Variants in SEC24A observed in about 807,000 individuals in gnomAD.
SEC24A encodes protein transport protein Sec24A.
Under a neutral mutation model 129.4 loss-of-function variants are expected in SEC24A, and 93 were observed. The observed-to-expected ratio is 0.72, with a 90% confidence interval of 0.61 to 0.85. The LOEUF is 0.85. Ranked by LOEUF, SEC24A falls within the 40% of genes least tolerant of loss-of-function variation. The pLI, the probability that SEC24A is intolerant of heterozygous loss-of-function variation, is 0.00. For missense variants in SEC24A, 1,264 were observed against 1,307.4 expected (o/e 0.97, Z 0.51); for synonymous variants, 460 against 467.3 (o/e 0.98, Z 0.20).
At position 134,661,339 on chromosome 5, in the gene SEC24A, C is replaced by A; in HGVS notation, c.318C>A (p.Pro106=). 6.2e-7 allele frequency: 1 copy of A among 1,614,176 alleles called. No homozygotes were observed. The highest frequency in any genetic ancestry group is 8.5e-7 in the Non-Finnish European group (1 of 1,180,038). Residue 106 remains proline (P), a synonymous_variant, in exon 2 of 23, where the codon CCC becomes CCA. Transcript: ENST00000398844. ...CTTCGCTTCATAGTGGTCCTGCTCC[C>A]CGAATGCCATTACCTGCTTCTCAGA... The part of the protein sequence containing the change: ...VTPSLHSGPA[P]RMPLPASQNP...
chr5:134,703,240 G>C (rs1752055303), intron 15 of SEC24A, among the ~76,000 whole-genome samples: 1 of 152,018 alleles, frequency 6.6e-6, no homozygotes, highest in Non-Finnish European at 1.5e-5. Context: ...AATTTTGATA[G>C]ATACTGCCAA....
chr5:134,650,537 CTT>C (rs891812570), intron 1 of SEC24A, among the ~76,000 whole-genome samples: 13 of 141,126 alleles, frequency 9.2e-5, no homozygotes, highest in Non-Finnish European at 1.1e-4. Context: ...TGTTCCACAT[CTT>C]TTTTTTTTTT....
At chr5:134,693,436 T>C (rs1438601840) in intron 12 of SEC24A, 2 of 1,364,426 alleles carry the variant, frequency 1.5e-6, no homozygotes, top group African/African-American at 2.9e-5. Context: ...TTAAAATACA[T>C]CAAATCTCTA....
intron 18 of SEC24A, among the ~76,000 whole-genome samples, chr5:134,709,978 C>T (rs1752272781): frequency 6.6e-6 from 1 of 152,132 alleles, no homozygotes; most frequent in Non-Finnish European, 1.5e-5. Context: ...TGGCTCACTG[C>T]AACCTCCGCC....
intron 13 of SEC24A, 21 bp downstream of exon 13, chr5:134,693,954 C>T (rs1427489340): frequency 6.3e-7 from 1 of 1,598,030 alleles, no homozygotes; most frequent in Admixed American, 1.7e-5. Flanking sequence ...CATGAAATGT[C>T]TGATAAGGTT....
chr5:134,675,291 A>T, intron 6 of SEC24A, 74 bp downstream of exon 6: 1 of 1,075,446 alleles, frequency 9.3e-7, no homozygotes, highest in Non-Finnish European at 1.4e-6. Context: ...ATCAGGTGTT[A>T]TGAATAAGCT....
chr5:134,713,743 A>G (rs887052424), intron 18 of SEC24A, among the ~76,000 whole-genome samples: 5 of 152,086 alleles, frequency 3.3e-5, no homozygotes, highest in Admixed American at 6.6e-5. Context: ...AACCTTACCC[A>G]TAACTGGCTG....
intron 2 of SEC24A, 90 bp downstream of exon 2, chr5:134,661,676 A>G: frequency 2.0e-6 from 2 of 996,576 alleles, no homozygotes; most frequent in Non-Finnish European, 2.9e-6. Context: ...CCTGAAAACC[A>G]TATGGAAAAT....
intron 14 of SEC24A, 55 bp from the exon 15 acceptor site, chr5:134,697,844 G>A: frequency 6.7e-7 from 1 of 1,500,872 alleles, no homozygotes; most frequent in Non-Finnish European, 9.0e-7. Context: ...TAGTTACTTT[G>A]GTGTAGTAGA....
chr5:134,673,270 A>G (rs934815599), intron 4 of SEC24A, among the ~76,000 whole-genome samples: 1 of 151,282 alleles, frequency 6.6e-6, no homozygotes, highest in Admixed American at 6.6e-5. Flanking sequence ...TGGCCAGGAT[A>G]GTCTCGATCT....
chr5:134,714,626 A>C (rs890343586), intron 18 of SEC24A, among the ~76,000 whole-genome samples: 2 of 152,218 alleles, frequency 1.3e-5, no homozygotes, highest in African/African-American at 4.8e-5. Flanking sequence ...CCACTGACGT[A>C]ATGGATATCT....
At position 134,708,697 on chromosome 5, in the gene SEC24A, C is replaced by T. The variant is rs1265031674; in HGVS notation, c.2552-16C>T. On this transcript the variant is annotated splice_polypyrimidine_tract_variant and intron_variant, in intron 17 of 22. Coordinates refer to ENST00000398844, the MANE Select transcript of SEC24A (RefSeq NM_021982.3). ...CTATCATATTTCTTTTTTGTCCTTA[C>T]CCTCACCTTGCTTAGCTGTTGACAG... 3 of 1,602,144 alleles carry T rather than the reference C, an allele frequency of 1.9e-6. No homozygotes were observed. The highest frequency in any genetic ancestry group is 1.8e-5 in the Admixed American group (1 of 56,822).
chr5:134,708,629 A>T, intron 17 of SEC24A, 84 bp from the exon 18 acceptor site: 1 of 1,250,644 alleles, frequency 8.0e-7, no homozygotes, highest in South Asian at 1.5e-5. Context: ...TATAGTTTTT[A>T]AAAATTATCT....
At chr5:134,700,243 C>T (rs1473903922) in intron 15 of SEC24A, among the ~76,000 whole-genome samples, 1 of 151,554 alleles carries the variant, frequency 6.6e-6, no homozygotes, top group Non-Finnish European at 1.5e-5. Context: ...TTTTTGGAGA[C>T]AGAGTGTTGC....
At chr5:134,652,970 ATTTT>A (rs776491776) in intron 1 of SEC24A, among the ~76,000 whole-genome samples, 12 of 119,284 alleles carry the variant, frequency 1.0e-4, no homozygotes, top group Non-Finnish European at 1.8e-5. Flanking sequence ...AATTTTTTGT[ATTTT>A]TTTTTTTTTT....
At chr5:134,715,517 A>G in intron 19 of SEC24A, 1 of 199,868 alleles carries the variant, frequency 5.0e-6, no homozygotes. Context: ...CTAAAATTGG[A>G]ATGATACAGA....
intron 1 of SEC24A, among the ~76,000 whole-genome samples, chr5:134,657,623 CT>C (rs1349990430): frequency 3.3e-5 from 5 of 152,112 alleles, no homozygotes; most frequent in Admixed American, 3.3e-4. Context: ...GTTGCCCAGG[CT>C]AGAGTGCAGG....
At chr5:134,651,420 G>A (rs1037029165) in intron 1 of SEC24A, among the ~76,000 whole-genome samples, 7 of 150,302 alleles carry the variant, frequency 4.7e-5, no homozygotes, top group African/African-American at 1.5e-4. Context: ...TCAGCCTCCC[G>A]AGTAGCTGGG....
In SEC24A at chr5:134,679,601, G is replaced by A; in HGVS notation, c.1255-1G>A. Reference sequence around the variant, plus strand: ...ATTTAATTCTGTTTTTTTTTTTCCAGCAATTGCCTGTGGTTACCTCCAGTA... The same window carrying A: ...ATTTAATTCTGTTTTTTTTTTTCCAACAATTGCCTGTGGTTACCTCCAGTA... On this transcript the variant is annotated splice_acceptor_variant, in intron 7 of 22. Coordinates refer to ENST00000398844, the MANE Select transcript of SEC24A (RefSeq NM_021982.3). LOFTEE classifies it high-confidence loss of function. 1 of 1,536,110 alleles carries A rather than the reference G, an allele frequency of 6.5e-7. No homozygotes were observed. The highest frequency in any genetic ancestry group is 8.8e-7 in the Non-Finnish European group (1 of 1,135,598).
Sources: allele counts gnomAD v4.1 joint callset (sites outside exome capture counted in the v4.1 genomes callset), GRCh38; gene constraint gnomAD v4.1.1; transcripts MANE v1.5; gene names NCBI Gene and HGNC (gene_info 2026-07-23, HGNC 2026-07-21).